The following DCC variants were observed in gnomAD, a reference collection of about 807,000 sequenced individuals.
The protein encoded by DCC is DCC netrin 1 receptor, also known as netrin receptor DCC.
Under a neutral mutation model 172.5 loss-of-function variants are expected in DCC, and 58 were observed. The observed-to-expected ratio is 0.34, with a 90% CI of 0.27 to 0.42. The LOEUF (loss-of-function observed/expected upper bound fraction) is 0.42. Ranked by LOEUF, DCC falls within the 10% of genes least tolerant of loss-of-function variation. The pLI, the probability that DCC is intolerant of heterozygous loss-of-function variation, is 1.00. For synonymous variants in DCC, 709 were observed against 644.5 expected (o/e 1.10, Z -1.52); for missense variants, 1,740 against 1,791.0 (o/e 0.97, Z 0.51).
Position 53,416,122 on chromosome 18 carries a change from A to AGT in DCC, c.3131_3132dup. ...ATAATGTTATTTCTTTTTCCCCCGCAGTGGAACACCCTGACAAAATGGCTA... is the reference window on the plus strand; with the variant it reads ...ATAATGTTATTTCTTTTTCCCCCGCAGTGTGGAACACCCTGACAAAATGGCTA... On this transcript the variant is annotated splice_acceptor_variant, in intron 20 of 28. Coordinates refer to ENST00000442544, the MANE Select transcript of DCC (RefSeq NM_005215.4). LOFTEE classifies it high-confidence loss of function. 6.2e-7 allele frequency: 1 copy of AGT among 1,608,770 alleles called. No individual in the cohort carries two copies.
intron 5 of DCC, among the ~76,000 whole-genome samples, chr18:53,039,080 A>G (rs981368941): frequency 6.6e-6 from 1 of 152,012 alleles, no homozygotes; most frequent in Non-Finnish European, 1.5e-5. Flanking sequence ...TCTTGCATGC[A>G]TCCCAATAGT....
intron 2 of DCC, among the ~76,000 whole-genome samples, chr18:52,853,005 C>A (rs1312306127): frequency 2.0e-5 from 3 of 152,106 alleles, no homozygotes; most frequent in Non-Finnish European, 4.4e-5. Context: ...ATAATCCATT[C>A]ATTTTCCCCC....
chr18:52,577,765 T>C (rs2033449889), intron 1 of DCC, among the ~76,000 whole-genome samples: 1 of 152,192 alleles, frequency 6.6e-6, no homozygotes, highest in Non-Finnish European at 1.5e-5. Flanking sequence ...GCATTGGAAA[T>C]AGGCATATTC....
intron 7 of DCC, among the ~76,000 whole-genome samples, chr18:53,084,747 C>G (rs1354115848): frequency 1.3e-5 from 2 of 152,130 alleles, no homozygotes; most frequent in Non-Finnish European, 2.9e-5. Context: ...GACCTCTAAC[C>G]CAAAGACTAT....
intron 7 of DCC, among the ~76,000 whole-genome samples, chr18:53,102,201 G>A (rs1393086401): frequency 1.3e-5 from 2 of 152,096 alleles, no homozygotes; most frequent in African/African-American, 4.8e-5. Flanking sequence ...GCACAAAAAT[G>A]TAATCGCTAT....
rs143693262 is a variant in DCC, at chr18:52,909,834, G to A, written c.697+3506G>A. Among the ~76,000 whole-genome samples the A allele has an allele frequency of 4.0e-3, 609 of 152,238 alleles. 6 individuals are homozygous for A. Among genetic ancestry groups the A allele is most frequent in the South Asian group, 0.011 (51 of 4,824 alleles). Reference sequence around the variant, plus strand: ...TAGTCCAATGGGAGAAATAGACAAAGCAAGTAGGCTGTGCTGTGAGAGAAG... The same window carrying A: ...TAGTCCAATGGGAGAAATAGACAAAACAAGTAGGCTGTGCTGTGAGAGAAG... On this transcript the variant is annotated intron_variant, in intron 3 of 28. Coordinates refer to ENST00000442544, the MANE Select transcript of DCC (RefSeq NM_005215.4).
chr18:52,637,568 C>G (rs1457996791), intron 1 of DCC, among the ~76,000 whole-genome samples: 1 of 152,030 alleles, frequency 6.6e-6, no homozygotes, highest in Non-Finnish European at 1.5e-5. Flanking sequence ...CAAAGAAATT[C>G]AGAGCTCAAA....
intron 1 of DCC, among the ~76,000 whole-genome samples, chr18:52,677,245 C>T (rs1475484831): frequency 1.3e-5 from 2 of 152,046 alleles, no homozygotes; most frequent in Non-Finnish European, 2.9e-5. Context: ...ATCATCAGAG[C>T]TAATACAGAG....
intron 1 of DCC, among the ~76,000 whole-genome samples, chr18:52,697,678 G>A (rs572661177): frequency 5.3e-5 from 8 of 151,756 alleles, no homozygotes; most frequent in South Asian, 2.1e-4. Flanking sequence ...TTTTTAATTC[G>A]TTTGCAAATA....
At chr18:52,738,246 G>A (rs150962257) in intron 1 of DCC, among the ~76,000 whole-genome samples, 235 of 152,186 alleles carry the variant, frequency 1.5e-3, no homozygotes, top group African/African-American at 5.4e-3. Context: ...GATGGGAATC[G>A]TTCTGAGAAA....
intron 7 of DCC, among the ~76,000 whole-genome samples, chr18:53,122,598 A>G (rs2043498575): frequency 1.3e-5 from 2 of 152,026 alleles, no homozygotes; most frequent in South Asian, 4.1e-4. Flanking sequence ...AGTAAACTTG[A>G]TTGACCATAT....
intron 7 of DCC, among the ~76,000 whole-genome samples, chr18:53,067,528 C>T (rs2042590761): frequency 6.6e-6 from 1 of 151,988 alleles, no homozygotes; most frequent in South Asian, 2.1e-4. Context: ...TCACAAAAAA[C>T]ACAACAAAAC....
chr18:52,870,888 A>G (rs780645432), intron 2 of DCC, among the ~76,000 whole-genome samples: 1 of 152,108 alleles, frequency 6.6e-6, no homozygotes, highest in Non-Finnish European at 1.5e-5. Context: ...CCAGCTTCAT[A>G]TCACTTAGGC....
intron 2 of DCC, among the ~76,000 whole-genome samples, chr18:52,787,981 A>AAGCCTTTT (rs1210686471): frequency 6.6e-6 from 1 of 152,160 alleles, no homozygotes; most frequent in Non-Finnish European, 1.5e-5. Context: ...AAATCTGTAC[A>AAGCCTTTT]AGCCTTTTAT....
chr18:53,108,831 A>G (rs1224455609), intron 7 of DCC, among the ~76,000 whole-genome samples: 2 of 151,600 alleles, frequency 1.3e-5, no homozygotes, highest in African/African-American at 2.4e-5. Flanking sequence ...CGTTCTACCA[A>G]TGATGGGTGT....
chr18:52,718,309 A>C (rs2036420445), intron 1 of DCC, among the ~76,000 whole-genome samples: 1 of 152,200 alleles, frequency 6.6e-6, no homozygotes, highest in Non-Finnish European at 1.5e-5. Context: ...CAGGTGCCAC[A>C]GGTATTTGGG....
chr18:52,616,588 T>C (rs2144851282), intron 1 of DCC, among the ~76,000 whole-genome samples: 1 of 152,262 alleles, frequency 6.6e-6, no homozygotes, highest in African/African-American at 2.4e-5. Flanking sequence ...TGATAACTAT[T>C]CCAAGTATCA....
At chr18:53,341,632 T>A (rs911922761) in intron 15 of DCC, among the ~76,000 whole-genome samples, 2 of 152,216 alleles carry the variant, frequency 1.3e-5, no homozygotes. Context: ...CATGTGTTAA[T>A]ATGAAATACA....
intron 1 of DCC, among the ~76,000 whole-genome samples, chr18:52,609,961 G>T (rs952523711): frequency 5.3e-5 from 8 of 150,882 alleles, no homozygotes; most frequent in African/African-American, 1.7e-4. Context: ...GGTAAAATAG[G>T]TTAAATGTAC....
Sources: gnomAD v4.1 joint callset for allele counts (sites outside exome capture counted in the v4.1 genomes callset) on GRCh38, gnomAD v4.1.1 for gene constraint, MANE v1.5 for transcripts, NCBI Gene and HGNC (gene_info 2026-07-23, HGNC 2026-07-21) for gene names.